The following SLCO3A1 variants were observed in gnomAD, a reference collection of about 807,000 sequenced individuals.
The protein encoded by SLCO3A1 is solute carrier organic anion transporter family member 3A1.
Under a neutral mutation model 63.1 loss-of-function variants are expected in SLCO3A1, and 27 were observed. The observed-to-expected ratio is 0.43, with a 90% CI of 0.32 to 0.59. The LOEUF is 0.59. SLCO3A1 is among the 20% of genes least tolerant of loss of function. The probability of loss-of-function intolerance (pLI) is 0.09; values close to 1 mark genes in which losing one functional copy is unlikely to be tolerated. For synonymous variants in SLCO3A1, 473 were observed against 409.9 expected (o/e 1.15, Z -1.86); for missense variants, 773 against 945.8 (o/e 0.82, Z 2.40).
intron 2 of SLCO3A1, among the ~76,000 whole-genome samples, chr15:91,989,692 C>T (rs1361455952): frequency 6.6e-6 from 1 of 152,148 alleles, no homozygotes; most frequent in Non-Finnish European, 1.5e-5. Flanking sequence ...TTAATCATTT[C>T]GTGGAAGAAC....
chr15:92,029,120 C>G (rs940694489), intron 2 of SLCO3A1, among the ~76,000 whole-genome samples: 3 of 152,126 alleles, frequency 2.0e-5, no homozygotes, highest in African/African-American at 7.2e-5. Flanking sequence ...AATGGAATCT[C>G]TTCTGGGAAA....
intron 1 of SLCO3A1, among the ~76,000 whole-genome samples, chr15:91,903,111 C>T (rs755593730): frequency 2.0e-5 from 3 of 152,136 alleles, no homozygotes; most frequent in Non-Finnish European, 4.4e-5. Flanking sequence ...TCTGGTGGCT[C>T]GCACGTAGTC....
chr15:92,040,610 C>T (rs1228245778), intron 2 of SLCO3A1, among the ~76,000 whole-genome samples: 1 of 152,158 alleles, frequency 6.6e-6, no homozygotes, highest in African/African-American at 2.4e-5. Context: ...CCTTCCTCTC[C>T]TAAGAACCTG....
intron 2 of SLCO3A1, among the ~76,000 whole-genome samples, chr15:92,094,657 T>C (rs149985517): frequency 4.5e-4 from 69 of 152,334 alleles, no homozygotes; most frequent in African/African-American, 1.6e-3. Context: ...GACACAAATT[T>C]CAAAGCAACC....
chr15:91,881,903 T>G (rs1367315065), intron 1 of SLCO3A1, among the ~76,000 whole-genome samples: 1 of 152,230 alleles, frequency 6.6e-6, no homozygotes, highest in Non-Finnish European at 1.5e-5. Flanking sequence ...GAGGTAACCC[T>G]GCTCCATCCC....
At chr15:92,054,984 G>T (rs2047004680) in intron 2 of SLCO3A1, among the ~76,000 whole-genome samples, 1 of 152,124 alleles carries the variant, frequency 6.6e-6, no homozygotes. Flanking sequence ...GAATTGCTGG[G>T]TCAAATGGGA....
rs528187618 is a variant in SLCO3A1, at chr15:91,977,723, A to G, written c.646+61265A>G. Among the ~76,000 whole-genome samples, 276 of 152,332 alleles carry G rather than the reference A, an allele frequency of 1.8e-3. 3 individuals are homozygous for G. Among genetic ancestry groups the G allele is most frequent in the Non-Finnish European group, 3.0e-3 (201 of 68,034 alleles). On this transcript the variant is annotated intron_variant, in intron 2 of 9. Coordinates refer to ENST00000318445, the MANE Select transcript of SLCO3A1 (RefSeq NM_013272.4). The stretch of plus-strand genomic sequence containing the variant: ...ACACCACCACTAAAGAGCTAATCCA[A>G]AAAACACCTGTACCCCAAAAACTAT...
chr15:91,927,370 A>G (rs1276794490), intron 2 of SLCO3A1, among the ~76,000 whole-genome samples: 10 of 152,166 alleles, frequency 6.6e-5, no homozygotes, highest in African/African-American at 2.2e-4. Flanking sequence ...CTGAACTCTC[A>G]AAGTCAAAAT....
rs1324972501 is a variant in SLCO3A1 at position 91,863,939 on chromosome 15, C to T, written c.180+9851C>T. On this transcript the variant is annotated intron_variant, in intron 1 of 9. Transcript: ENST00000318445. The surrounding 1 kb of genome is among the most constrained non-coding windows in gnomAD (Gnocchi z 4.3). Reference sequence around the variant, plus strand: ...CAAAAACCATAAATTAGCACCATTCCTTTACCTTTGCCAAGCTGTATACAT... The same window carrying T: ...CAAAAACCATAAATTAGCACCATTCTTTTACCTTTGCCAAGCTGTATACAT... Among the ~76,000 whole-genome samples, 1 of 152,236 alleles carries T rather than the reference C, an allele frequency of 6.6e-6. No homozygotes were observed.
At chr15:92,118,194 T>C (rs1244544548) in intron 4 of SLCO3A1, among the ~76,000 whole-genome samples, 2 of 152,218 alleles carry the variant, frequency 1.3e-5, no homozygotes, top group East Asian at 1.9e-4. Flanking sequence ...AAAAGTGTTA[T>C]TTTTATTTGT....
intron 2 of SLCO3A1, among the ~76,000 whole-genome samples, chr15:91,991,068 G>A (rs1229726952): frequency 2.0e-5 from 3 of 152,164 alleles, no homozygotes; most frequent in Non-Finnish European, 4.4e-5. Flanking sequence ...GGGTATGTTT[G>A]TTTTTAATTG....
chr15:92,028,946 C>CGTGTGTGTGT (rs1555425656), intron 2 of SLCO3A1, among the ~76,000 whole-genome samples: 164 of 23,862 alleles, frequency 6.9e-3, no homozygotes, highest in African/African-American at 0.029. Flanking sequence ...TGTGTGTGTA[C>CGTGTGTGTGT]GTACATGAGA....
chr15:92,163,878 C>T lies in SLCO3A1; in HGVS notation c.*743C>T. On this transcript the variant is annotated 3_prime_UTR_variant, in exon 10 of 10. Transcript: ENST00000318445. ...GGGGAGCCAGGTGGGGGGCCAGCAC[C>T]TCCCAGTGGCGGGCATCCACCTTCC... 2.0e-6 allele frequency: 2 copies of T among 985,628 alleles called. No homozygotes were observed. Among genetic ancestry groups the T allele is most frequent in the Non-Finnish European group, 2.4e-6 (2 of 830,080 alleles). The allele number at this position is 985,628 out of a possible 1,614,324, so 61.1% of individuals were successfully genotyped here.
chr15:92,012,011 A>G (rs2046374235), intron 2 of SLCO3A1, among the ~76,000 whole-genome samples: 1 of 152,236 alleles, frequency 6.6e-6, no homozygotes, highest in Admixed American at 6.5e-5. Context: ...CCAGCACATG[A>G]GCGGGGACTG....
intron 1 of SLCO3A1, among the ~76,000 whole-genome samples, chr15:91,904,119 C>G (rs1196531622): frequency 7.0e-6 from 1 of 143,722 alleles, no homozygotes; most frequent in African/African-American, 2.6e-5. Context: ...CCCTCACTTC[C>G]CCTTCCTCTG....
intron 2 of SLCO3A1, among the ~76,000 whole-genome samples, chr15:91,980,898 G>C (rs1013744910): frequency 4.6e-5 from 7 of 152,200 alleles, no homozygotes; most frequent in African/African-American, 1.4e-4. Flanking sequence ...CCTTGGCCTT[G>C]GGTCCAGGTG....
At chr15:92,047,804 G>A (rs1436607902) in intron 2 of SLCO3A1, among the ~76,000 whole-genome samples, 2 of 150,326 alleles carry the variant, frequency 1.3e-5, no homozygotes, top group Non-Finnish European at 2.9e-5. Flanking sequence ...CTAGTTATGG[G>A]CTTGAGCCTC....
At chr15:92,152,554 A>G (rs1194079358) in intron 9 of SLCO3A1, among the ~76,000 whole-genome samples, 1 of 152,232 alleles carries the variant, frequency 6.6e-6, no homozygotes, top group Non-Finnish European at 1.5e-5. Flanking sequence ...CTGTAGTAGC[A>G]TGCAGAAATA....
intron 2 of SLCO3A1, among the ~76,000 whole-genome samples, chr15:92,091,104 G>A (rs1439875473): frequency 6.6e-6 from 1 of 152,192 alleles, no homozygotes; most frequent in Non-Finnish European, 1.5e-5. Context: ...ACGTGCTGGG[G>A]CCAGGTGCTG....
Sources: gnomAD v4.1 joint callset for allele counts (sites outside exome capture counted in the v4.1 genomes callset) on GRCh38, gnomAD v4.1.1 for gene constraint, Gnocchi (gnomAD v3.1) non-coding constraint, MANE v1.5 for transcripts, NCBI Gene and HGNC (gene_info 2026-07-23, HGNC 2026-07-21) for gene names.